STAU1: variants seen among roughly 807,000 people sequenced by gnomAD.
The protein encoded by STAU1 is double-stranded RNA-binding protein Staufen homolog 1.
Under a neutral mutation model 62.9 loss-of-function variants are expected in STAU1, and 13 were observed. The observed-to-expected ratio is 0.21, with a 90% CI of 0.13 to 0.33. The LOEUF is 0.33. Ranked by LOEUF, STAU1 falls within the 10% of genes least tolerant of loss-of-function variation. The probability of loss-of-function intolerance (pLI) is 1.00; values close to 1 mark genes in which losing one functional copy is unlikely to be tolerated. For synonymous variants in STAU1, 269 were observed against 265.1 expected (o/e 1.01, Z -0.14); for missense variants, 571 against 712.1 (o/e 0.80, Z 2.25).
At chr20:49,189,681 C>G (rs1032774033), upstream of STAU1, among the ~76,000 whole-genome samples, 17 of 151,166 alleles carry the variant, frequency 1.1e-4, no homozygotes, top group Middle Eastern at 3.4e-3. Flanking sequence ...AAATTATGCT[C>G]GCGTTGTGAG....
chr20:49,131,026 C>T (rs2092736969), intron 6 of STAU1, among the ~76,000 whole-genome samples: 1 of 152,022 alleles, frequency 6.6e-6, no homozygotes. Flanking sequence ...GAGTTAATTA[C>T]AAAGTGACAT....
Position 49,115,871 on chromosome 20 carries a change from G to A in STAU1, c.1633-4C>T, listed in dbSNP as rs1442821391. On this transcript the variant is annotated splice_polypyrimidine_tract_variant and splice_region_variant and intron_variant, in intron 12 of 13. Coordinates refer to ENST00000371856, the MANE Select transcript of STAU1 (RefSeq NM_017453.4). ...ACTTTAAGATGTTCAGCGCAGCCTA[G>A]TGGGGATGGAAAGAAGGGTAAAGCC... The A allele has an allele frequency of 1.2e-6, 2 of 1,613,900 alleles. No homozygotes were observed. The highest frequency in any genetic ancestry group is 1.7e-5 in the Admixed American group (1 of 60,018).
chr20:49,138,783 A>G (rs1375446677), intron 5 of STAU1, among the ~76,000 whole-genome samples: 1 of 152,088 alleles, frequency 6.6e-6, no homozygotes, highest in Non-Finnish European at 1.5e-5. Context: ...TATAGGTGTG[A>G]GCCACCATAC....
chr20:49,195,535 CAAAAAAAA>C, the STAU1 span, among the ~76,000 whole-genome samples: 10 of 38,146 alleles, frequency 2.6e-4, no homozygotes, highest in Admixed American at 9.3e-4. Context: ...GACTCCGTCT[CAAAAAAAA>C]AAAAAAAAAA....
the STAU1 span, among the ~76,000 whole-genome samples, chr20:49,218,544 A>G: frequency 9.0e-6 from 1 of 111,512 alleles, no homozygotes. Context: ...TTAATTAAAA[A>G]CAAACAAACA....
chr20:49,201,071 AAAG>A, the STAU1 span, among the ~76,000 whole-genome samples: 6 of 104,646 alleles, frequency 5.7e-5, no homozygotes, highest in Admixed American at 1.4e-4. Context: ...AAAAAAAAAA[AAAG>A]AAGAAGAAGA....
intron 5 of STAU1, among the ~76,000 whole-genome samples, chr20:49,148,058 G>A (rs183031933): frequency 1.4e-3 from 220 of 152,156 alleles, no homozygotes; most frequent in Middle Eastern, 6.8e-3. Context: ...GAAAAAAAAA[G>A]TTATCTTTTA....
intron 6 of STAU1, among the ~76,000 whole-genome samples, chr20:49,126,419 C>G (rs2092614586): frequency 6.6e-6 from 1 of 150,778 alleles, no homozygotes; most frequent in Admixed American, 6.6e-5. Flanking sequence ...ACAAAATTAG[C>G]CAGGTGTGGT....
At chr20:49,210,484 C>T in the STAU1 span, 1 of 455,606 alleles carries the variant, frequency 2.2e-6, no homozygotes, top group South Asian at 1.5e-5. Context: ...TTTTTTCCTC[C>T]TTCTCCTCCT....
chr20:49,152,663 A>T (rs1216762637), intron 4 of STAU1, among the ~76,000 whole-genome samples: 2 of 152,124 alleles, frequency 1.3e-5, no homozygotes, highest in African/African-American at 4.8e-5. Flanking sequence ...TATTACTGCC[A>T]GCAGAAGATT....
Position 49,114,420 on chromosome 20 carries a change from G to T in STAU1, c.*458C>A, listed in dbSNP as rs936969906. The T allele has an allele frequency of 1.2e-5, 2 of 160,596 alleles. No homozygotes were observed. The highest frequency in any genetic ancestry group is 4.8e-5 in the African/African-American group (2 of 41,768). 9.9% of individuals were successfully genotyped at this position (160,596 alleles called of 1,614,324 possible). On this transcript the variant is annotated 3_prime_UTR_variant, in exon 14 of 14. Coordinates refer to ENST00000371856, the MANE Select transcript of STAU1 (RefSeq NM_017453.4). ...AGTAGGAAGCATTTGATTTTCTCTG[G>T]TGCTTTTAGCTCTGGGGCCGGTCAA...
intron 5 of STAU1, among the ~76,000 whole-genome samples, chr20:49,138,659 C>T (rs2092942341): frequency 6.6e-6 from 1 of 152,002 alleles, no homozygotes; most frequent in Non-Finnish European, 1.5e-5. Context: ...AGGCACCACT[C>T]CCAGCTATTT....
intron 6 of STAU1, among the ~76,000 whole-genome samples, chr20:49,131,624 C>T (rs961758305): frequency 6.6e-5 from 10 of 152,082 alleles, no homozygotes; most frequent in Non-Finnish European, 4.4e-5. Context: ...AGGCAGATCG[C>T]TTGAGGTCAG....
intron 6 of STAU1, among the ~76,000 whole-genome samples, chr20:49,126,925 A>G (rs542834636): frequency 2.2e-4 from 34 of 152,116 alleles, no homozygotes; most frequent in Non-Finnish European, 5.0e-4. Context: ...CAAAAATTAG[A>G]CCTAGGATCA....
chr20:49,115,031 C>A, intron 13 of STAU1, 138 bp from the exon 14 acceptor site: 1 of 799,082 alleles, frequency 1.3e-6, no homozygotes, highest in Non-Finnish European at 2.1e-6. Flanking sequence ...AAAGTTTTCC[C>A]AGGGTATGCC....
At chr20:49,179,720 G>A (rs1029672904) in intron 1 of STAU1, among the ~76,000 whole-genome samples, 10 of 152,184 alleles carry the variant, frequency 6.6e-5, no homozygotes, top group African/African-American at 1.7e-4. Flanking sequence ...TCTATAGAAG[G>A]CATGGATTTC....
chr20:49,188,764 ATTAAAT>A (rs1234822202), upstream of STAU1, among the ~76,000 whole-genome samples: 8 of 152,148 alleles, frequency 5.3e-5, no homozygotes, highest in Admixed American at 1.3e-4. Flanking sequence ...GTAAATGTTC[ATTAAAT>A]GCTTGCCATA....
intron 3 of STAU1, among the ~76,000 whole-genome samples, chr20:49,160,146 C>A (rs780663553): frequency 6.6e-6 from 1 of 152,026 alleles, no homozygotes; most frequent in Non-Finnish European, 1.5e-5. Flanking sequence ...GAGGAAACAA[C>A]GACAACAAAA....
chr20:49,218,527 C>T, the STAU1 span, among the ~76,000 whole-genome samples: 1 of 150,796 alleles, frequency 6.6e-6, no homozygotes, highest in African/African-American at 2.5e-5. Flanking sequence ...GCCCAGCCAA[C>T]ACGTTTTTAA....
Sources: allele counts gnomAD v4.1 joint callset (sites outside exome capture counted in the v4.1 genomes callset), GRCh38; gene constraint gnomAD v4.1.1; transcripts MANE v1.5; gene names NCBI Gene and HGNC (gene_info 2026-07-23, HGNC 2026-07-21).